GIGYF2: variants seen among roughly 807,000 people sequenced by gnomAD.
GIGYF2 encodes GRB10-interacting GYF protein 2.
GIGYF2 carries 25 observed loss-of-function variants against 208.1 expected under a neutral mutation model. The ratio of observed to expected loss-of-function variants is 0.12; its 90% confidence interval spans 0.09 to 0.17. GIGYF2 has a LOEUF of 0.17. Ranked by LOEUF, GIGYF2 falls within the 10% of genes least tolerant of loss-of-function variation. The pLI is 1.00. For synonymous variants in GIGYF2, 534 were observed against 543.8 expected (o/e 0.98, Z 0.25); for missense variants, 1,302 against 1,579.4 (o/e 0.82, Z 2.98).
intron 2 of GIGYF2, among the ~76,000 whole-genome samples, chr2:232,731,828 A>G (rs1697509925): frequency 6.6e-6 from 1 of 152,244 alleles, no homozygotes; most frequent in East Asian, 1.9e-4. Context: ...ACTGCCAAGA[A>G]GGCTCCGGCA....
intron 3 of GIGYF2, among the ~76,000 whole-genome samples, chr2:232,742,780 T>C (rs1698017892): frequency 6.6e-6 from 1 of 152,198 alleles, no homozygotes; most frequent in African/African-American, 2.4e-5. Context: ...ATCCCAGATT[T>C]TTAATCCAGT....
rs1370695397 is a variant in GIGYF2 at position 232,836,317 on chromosome 2, T to A, written c.2766+3224T>A. ...ATATATATATATATATATATATATA[T>A]ATATATATATATACATATATATACT... On this transcript the variant is annotated intron_variant, in intron 22 of 28. Transcript: ENST00000373563. 4.3e-3 allele frequency among the ~76,000 whole-genome samples: 96 copies of A among 22,128 alleles called. 6 individuals carry two copies. The highest frequency in any genetic ancestry group is 0.015 in the East Asian group (16 of 1,080). 14.5% of individuals were successfully genotyped at this position (22,128 alleles called of 152,430 possible).
rs746602953 is a variant in GIGYF2 at position 232,794,735 on chromosome 2, T to A, written c.1283-13T>A. On this transcript the variant is annotated splice_polypyrimidine_tract_variant and intron_variant, in intron 12 of 28. Coordinates refer to ENST00000373563, the MANE Select transcript of GIGYF2 (RefSeq NM_001103146.3). The stretch of plus-strand genomic sequence containing the variant: ...GTATTTCAAAGGATTTTCATCTGAT[T>A]TTTTCCCCCTAGAAATGGTTGCTGA... The A allele has an allele frequency of 1.2e-6, 2 of 1,607,180 alleles. No individual in the cohort carries two copies. The highest frequency in any genetic ancestry group is 1.7e-5 in the Admixed American group (1 of 59,998).
chr2:232,757,787 T>G (rs1698607774), intron 6 of GIGYF2, among the ~76,000 whole-genome samples: 1 of 129,788 alleles, frequency 7.7e-6, no homozygotes, highest in African/African-American at 3.1e-5. Flanking sequence ...CCCCCCGCCA[T>G]TACTTAATCT....
intron 3 of GIGYF2, among the ~76,000 whole-genome samples, chr2:232,741,431 T>G (rs1697963984): frequency 6.6e-6 from 1 of 151,140 alleles, no homozygotes; most frequent in Non-Finnish European, 1.5e-5. Flanking sequence ...GTTTCCTGGC[T>G]TCCTTTTTTT....
chr2:232,771,987 T>C (rs1420126147), intron 8 of GIGYF2, among the ~76,000 whole-genome samples: 1 of 152,218 alleles, frequency 6.6e-6, no homozygotes, highest in Non-Finnish European at 1.5e-5. Context: ...GTTTGATTTA[T>C]TGATTTGTAT....
At chr2:232,746,327 T>A (rs145974284) in intron 3 of GIGYF2, among the ~76,000 whole-genome samples, 1 of 152,344 alleles carries the variant, frequency 6.6e-6, no homozygotes, top group East Asian at 1.9e-4. Flanking sequence ...TTACTTGGCC[T>A]TCATATTAAT....
chr2:232,797,752 G>C (rs1015278674), intron 14 of GIGYF2, among the ~76,000 whole-genome samples: 1 of 151,990 alleles, frequency 6.6e-6, no homozygotes, highest in African/African-American at 2.4e-5. Context: ...AGGCCAGGGT[G>C]GGTAGACCAC....
chr2:232,804,700 C>T (rs949222458), intron 14 of GIGYF2, among the ~76,000 whole-genome samples: 1 of 152,142 alleles, frequency 6.6e-6, no homozygotes, highest in Non-Finnish European at 1.5e-5. Context: ...ACCATGTTGG[C>T]CAGGCTGGTC....
chr2:232,809,163 T>G (rs1700652073), intron 15 of GIGYF2, among the ~76,000 whole-genome samples: 1 of 152,134 alleles, frequency 6.6e-6, no homozygotes, highest in Non-Finnish European at 1.5e-5. Flanking sequence ...CAGGCTGATC[T>G]CAATCCCCTG....
intron 3 of GIGYF2, 36 bp downstream of exon 3, chr2:232,735,274 A>G (rs1177265503): frequency 6.9e-7 from 1 of 1,441,184 alleles, no homozygotes; most frequent in Non-Finnish European, 9.8e-7. Flanking sequence ...TTGATATTGG[A>G]TGACTAATAC....
chr2:232,752,894 A>G (rs1698388039), intron 5 of GIGYF2, among the ~76,000 whole-genome samples: 1 of 152,100 alleles, frequency 6.6e-6, no homozygotes, highest in Non-Finnish European at 1.5e-5. Context: ...TTCAAAAAGC[A>G]CATAATGAAA....
intron 3 of GIGYF2, among the ~76,000 whole-genome samples, chr2:232,743,848 G>GT (rs1468845745): frequency 6.6e-6 from 1 of 151,968 alleles, no homozygotes; most frequent in Non-Finnish European, 1.5e-5. Flanking sequence ...TGTTATTTTT[G>GT]TATTTTTTAT....
intron 3 of GIGYF2, chr2:232,736,455 T>C (rs1697736799): frequency 6.5e-6 from 1 of 152,880 alleles, no homozygotes. Context: ...AATGGGATCA[T>C]ACTGTACCTT....
At chr2:232,737,232 C>A (rs1227787192) in intron 3 of GIGYF2, among the ~76,000 whole-genome samples, 1 of 152,186 alleles carries the variant, frequency 6.6e-6, no homozygotes, top group African/African-American at 2.4e-5. Flanking sequence ...GAGCATCTTT[C>A]AATAGTATCT....
intron 5 of GIGYF2, among the ~76,000 whole-genome samples, chr2:232,750,568 T>C (rs1230161583): frequency 6.6e-6 from 1 of 152,234 alleles, no homozygotes; most frequent in African/African-American, 2.4e-5. Context: ...AAAAATTTTT[T>C]CCCATCGTTT....
chr2:232,776,559 T>C, intron 8 of GIGYF2: 1 of 803,602 alleles, frequency 1.2e-6, no homozygotes. Flanking sequence ...GGTTCTCTTC[T>C]TGGACTGGTT....
intron 2 of GIGYF2, among the ~76,000 whole-genome samples, chr2:232,713,231 A>G (rs1696513890): frequency 6.6e-6 from 1 of 152,014 alleles, no homozygotes; most frequent in Non-Finnish European, 1.5e-5. Context: ...ACCCGCCATC[A>G]TGTGCAACTG....
At chr2:232,733,481 T>C (rs1374727260) in intron 2 of GIGYF2, among the ~76,000 whole-genome samples, 1 of 152,226 alleles carries the variant, frequency 6.6e-6, no homozygotes, top group Non-Finnish European at 1.5e-5. Context: ...TTTACTTTGC[T>C]GTTTCTAAGC....
Sources: allele counts gnomAD v4.1 joint callset (sites outside exome capture counted in the v4.1 genomes callset), GRCh38; gene constraint gnomAD v4.1.1; transcripts MANE v1.5; gene names NCBI Gene and HGNC (gene_info 2026-07-23, HGNC 2026-07-21).